TMIE: variants seen among roughly 807,000 people sequenced by gnomAD.
The protein encoded by TMIE is transmembrane inner ear.
Under a neutral mutation model 16.8 loss-of-function variants are expected in TMIE, and 14 were observed. That is an observed-to-expected ratio of 0.83 (90% CI 0.55 to 1.30). The LOEUF is 1.30. Ranked by LOEUF, TMIE falls within the 50% of genes most tolerant of loss-of-function variation. TMIE has a pLI of 0.00. For missense variants in TMIE, 204 were observed against 205.9 expected, an observed-to-expected ratio of 0.99 and a Z score of 0.06; for synonymous variants, 75 against 87.2, an observed-to-expected ratio of 0.86 and a Z score of 0.78.
Position 46,709,169 on chromosome 3 carries a change from C to G in TMIE, c.255C>G (p.Thr85=), listed in dbSNP as rs1397331005. Residue 85 remains threonine, a synonymous_variant, in exon 3 of 4, where the codon ACC becomes ACG. Transcript: ENST00000643606. ...TCTTCAACTGTCGTGTGCCACGGAC[C>G]CGGAAGGAGATCGAAGCCCGGTACC... The part of the protein sequence containing the change: ...CCVFNCRVPR[T]RKEIEARYLQ... The G allele has an allele frequency of 6.2e-7, 1 of 1,614,026 alleles. No homozygotes were observed.
chr3:46,701,704 T>G lies in TMIE; in HGVS notation c.93+124T>G. On this transcript the variant is annotated intron_variant, in intron 1 of 3. Coordinates refer to ENST00000643606, the MANE Select transcript of TMIE (RefSeq NM_147196.3). The surrounding 1 kb of genome is among the most constrained non-coding windows in gnomAD (Gnocchi z 4.3). Reference sequence around the variant, plus strand: ...CTTACTCTTGCCCTGAGAGATCCAGTCTCCCGGGCGATGCAGCCCTGCCCC... The same window carrying G: ...CTTACTCTTGCCCTGAGAGATCCAGGCTCCCGGGCGATGCAGCCCTGCCCC... 1 of 811,468 alleles carries G rather than the reference T, an allele frequency of 1.2e-6. No homozygotes were observed. Among genetic ancestry groups the G allele is most frequent in the Non-Finnish European group, 1.7e-6 (1 of 602,392 alleles). The allele number at this position is 811,468 out of a possible 1,614,324, so 50.3% of individuals were successfully genotyped here.
chr3:46,693,949 C>T (rs1419565511), upstream of TMIE, among the ~76,000 whole-genome samples: 1 of 152,074 alleles, frequency 6.6e-6, no homozygotes, highest in Non-Finnish European at 1.5e-5. Context: ...GACCCCTCCG[C>T]CCCCTACGCA....
intron 2 of TMIE, 68 bp downstream of exon 2, chr3:46,705,975 G>A (rs555842704): frequency 1.3e-6 from 2 of 1,528,320 alleles, no homozygotes; most frequent in South Asian, 2.2e-5. Flanking sequence ...GCCCCCCAGA[G>A]GGCTCAGAGC....
At chr3:46,699,059 TA>T (rs57777245), upstream of TMIE, among the ~76,000 whole-genome samples, 1,849 of 124,558 alleles carry the variant, frequency 0.015, 167 homozygotes, top group African/African-American at 0.053. Context: ...TGGTGTTTCT[TA>T]TTTTTTTTTT....
chr3:46,707,085 A>G (rs1700561231), intron 2 of TMIE, among the ~76,000 whole-genome samples: 1 of 152,238 alleles, frequency 6.6e-6, no homozygotes, highest in African/African-American at 2.4e-5. Flanking sequence ...TTCCCAGCCG[A>G]GGCTGAGAAC....
At position 46,709,949 on chromosome 3, in the gene TMIE, G is replaced by A. The variant is rs1205054309; in HGVS notation, c.*261G>A. The A allele has an allele frequency of 1.6e-5, 9 of 555,418 alleles. No individual in the cohort carries two copies. The highest frequency in any genetic ancestry group is 3.5e-5 in the East Asian group (1 of 28,852). 34.4% of individuals were successfully genotyped at this position (555,418 alleles called of 1,614,324 possible). On this transcript the variant is annotated 3_prime_UTR_variant, in exon 4 of 4. Coordinates refer to ENST00000643606, the MANE Select transcript of TMIE (RefSeq NM_147196.3). ...TCGGCAGAGGTGGTCTGGTGCCACC[G>A]TCCCTCTGCAGATACACTGCTCTCC...
At chr3:46,707,442 G>A (rs145996481) in intron 2 of TMIE, among the ~76,000 whole-genome samples, 7 of 152,310 alleles carry the variant, frequency 4.6e-5, no homozygotes, top group African/African-American at 9.6e-5. Flanking sequence ...TTCCATTGCC[G>A]GATCTAGGCA....
intron 1 of TMIE, among the ~76,000 whole-genome samples, chr3:46,704,596 A>G (rs1412234875): frequency 6.8e-6 from 1 of 146,630 alleles, no homozygotes; most frequent in Non-Finnish European, 1.5e-5. Context: ...TCATGTCCCT[A>G]GACACCCAGG....
chr3:46,705,750 G>A (rs201664184), intron 1 of TMIE, 40 bp from the exon 2 acceptor site: 1 of 1,586,012 alleles, frequency 6.3e-7, no homozygotes, highest in African/African-American at 1.3e-5. Flanking sequence ...CCAGCCAGCT[G>A]GCCTCTGCCT....
In TMIE at chr3:46,705,772, C is replaced by T. The variant is rs746176034; in HGVS notation, c.94-18C>T. 4 of 1,612,462 alleles carry T rather than the reference C, an allele frequency of 2.5e-6. No individual in the cohort carries two copies. The South Asian group carries it at 4.4e-5, about 18-fold the overall frequency. Reference sequence around the variant, plus strand: ...GCTGGCCTCTGCCTAACTCACTCCCCTCTCTCCTGACCCACAGCCCAGCAC... The same window carrying T: ...GCTGGCCTCTGCCTAACTCACTCCCTTCTCTCCTGACCCACAGCCCAGCAC... On this transcript the variant is annotated intron_variant, in intron 1 of 3. Coordinates refer to ENST00000643606, the MANE Select transcript of TMIE (RefSeq NM_147196.3).
chr3:46,693,989 C>T (rs999242824), upstream of TMIE, among the ~76,000 whole-genome samples: 1 of 152,256 alleles, frequency 6.6e-6, no homozygotes, highest in Non-Finnish European at 1.5e-5. Context: ...TCGCCTCTCG[C>T]GCCCCGCTTC....
At chr3:46,705,004 C>A (rs1386826483) in intron 1 of TMIE, among the ~76,000 whole-genome samples, 1 of 152,132 alleles carries the variant, frequency 6.6e-6, no homozygotes, top group Admixed American at 6.5e-5. Flanking sequence ...GGGCCATGTC[C>A]CTTAGATATC....
upstream of TMIE, among the ~76,000 whole-genome samples, chr3:46,700,319 C>G (rs1700454660): frequency 6.6e-6 from 1 of 152,226 alleles, no homozygotes; most frequent in Admixed American, 6.5e-5. Flanking sequence ...CCTCCGCTCC[C>G]TGCTGCAGCC....
upstream of TMIE, among the ~76,000 whole-genome samples, chr3:46,698,323 T>C (rs1220603707): frequency 6.6e-6 from 1 of 152,128 alleles, no homozygotes; most frequent in Non-Finnish European, 1.5e-5. Context: ...GGATTACAGG[T>C]GTGAGCCACC....
chr3:46,706,763 G>A (rs1350119456), intron 2 of TMIE, among the ~76,000 whole-genome samples: 2 of 152,202 alleles, frequency 1.3e-5, no homozygotes, highest in Admixed American at 6.5e-5. Context: ...CCGGGAGAGG[G>A]GATGTGAGCA....
intron 1 of TMIE, among the ~76,000 whole-genome samples, chr3:46,702,730 G>C (rs571380737): frequency 6.6e-6 from 1 of 152,226 alleles, no homozygotes; most frequent in African/African-American, 2.4e-5. Context: ...TGGAGGGTTT[G>C]ATGGGGACAT....
chr3:46,708,081 C>T (rs141748938), intron 2 of TMIE, among the ~76,000 whole-genome samples: 10 of 152,350 alleles, frequency 6.6e-5, no homozygotes, highest in Admixed American at 6.5e-4. Context: ...TTCATTCACT[C>T]TAGTCCAGTC....
At chr3:46,701,332 G>T, upstream of TMIE, 1 of 549,896 alleles carries the variant, frequency 1.8e-6, no homozygotes, top group Non-Finnish European at 3.0e-6. This position sits in a 1 kb window ranked among gnomAD's most constrained non-coding sequence, Gnocchi z 4.3. Flanking sequence ...TGGCGGGGGC[G>T]GGCGGCGCGG....
At chr3:46,698,777 T>TA (rs1230246214), upstream of TMIE, among the ~76,000 whole-genome samples, 1 of 152,230 alleles carries the variant, frequency 6.6e-6, no homozygotes. Context: ...TAAATTCTCT[T>TA]ATGCTACTTT....
Sources: allele counts gnomAD v4.1 joint callset (sites outside exome capture counted in the v4.1 genomes callset), GRCh38; gene constraint gnomAD v4.1.1; non-coding constraint Gnocchi (gnomAD v3.1); transcripts MANE v1.5; gene names NCBI Gene and HGNC (gene_info 2026-07-23, HGNC 2026-07-21).